Variants in PCDHGA8 observed in about 807,000 individuals in gnomAD.
PCDHGA8 encodes the protein protocadherin gamma subfamily A, 8, also known as protocadherin gamma-A8.
Under a neutral mutation model 59.2 loss-of-function variants are expected in PCDHGA8, and 45 were observed. The ratio of observed to expected loss-of-function variants is 0.76; its 90% CI spans 0.60 to 0.98. PCDHGA8 has a LOEUF of 0.98. PCDHGA8 is among the 50% of genes least tolerant of loss of function. PCDHGA8 has a pLI of 0.00. For synonymous variants in PCDHGA8, 531 were observed against 519.0 expected (o/e 1.02, Z -0.32); for missense variants, 1,257 against 1,196.2 (o/e 1.05, Z -0.75).
intron 1 of PCDHGA8, among the ~76,000 whole-genome samples, chr5:141,470,448 T>C (rs1384666661): frequency 6.6e-6 from 1 of 152,192 alleles, no homozygotes. Flanking sequence ...TTTAATAGCA[T>C]CTTGAATAGG....
chr5:141,504,728 G>A (rs978910481), intron 2 of PCDHGA8, among the ~76,000 whole-genome samples: 5 of 151,522 alleles, frequency 3.3e-5, no homozygotes, highest in African/African-American at 9.7e-5. Context: ...TACTCTGAGG[G>A]CTTAGGAAGC....
chr5:141,479,333 G>A (rs2154577502), intron 1 of PCDHGA8: 1 of 152,652 alleles, frequency 6.6e-6, no homozygotes, highest in East Asian at 1.9e-4. Context: ...TCAGTGGTGT[G>A]CACCTGTAGT....
chr5:141,503,608 A>G (rs1451651299), intron 2 of PCDHGA8, among the ~76,000 whole-genome samples: 3 of 151,994 alleles, frequency 2.0e-5, no homozygotes, highest in South Asian at 2.1e-4. Flanking sequence ...CAAAAAAAAA[A>G]AAAAAAGAAA....
In PCDHGA8 at chr5:141,414,961, G is replaced by A. The variant is rs1357376957; in HGVS notation, c.2424+19724G>A. Reference sequence around the variant, plus strand: ...GCCCGGCTACCTGGTGACCAAGGTGGTGGCGGTGGACAGAGACTCCGGCCA... The same window carrying A: ...GCCCGGCTACCTGGTGACCAAGGTGATGGCGGTGGACAGAGACTCCGGCCA... On this transcript the variant is annotated intron_variant, in intron 1 of 3. Transcript: ENST00000398604. 2.5e-6 allele frequency: 4 copies of A among 1,614,028 alleles called. No individual in the cohort carries two copies. In the Admixed American group the frequency reaches 6.7e-5, roughly 27 times the overall value.
chr5:141,435,454 T>C (rs1407615505), intron 1 of PCDHGA8, among the ~76,000 whole-genome samples: 1 of 152,220 alleles, frequency 6.6e-6, no homozygotes, highest in Non-Finnish European at 1.5e-5. Flanking sequence ...ACGATATCTG[T>C]ATGTGTTTCC....
intron 1 of PCDHGA8, chr5:141,413,736 G>C: frequency 6.2e-7 from 1 of 1,613,452 alleles, no homozygotes; most frequent in South Asian, 1.1e-5. Context: ...TAAGAGTTCA[G>C]AGCCGTGCCA....
chr5:141,456,703 G>A (rs528071544), intron 1 of PCDHGA8, among the ~76,000 whole-genome samples: 37 of 152,180 alleles, frequency 2.4e-4, no homozygotes, highest in Non-Finnish European at 4.9e-4. Context: ...GGTGGCTCGC[G>A]CCTGTAATCC....
At chr5:141,403,223 G>C (rs1414315950) in intron 1 of PCDHGA8, 2 of 1,613,968 alleles carry the variant, frequency 1.2e-6, no homozygotes, top group Non-Finnish European at 8.5e-7. Flanking sequence ...GGGTAGGATA[G>C]ACCGGGAGGA....
intron 1 of PCDHGA8, among the ~76,000 whole-genome samples, chr5:141,461,985 G>C (rs894777268): frequency 2.6e-5 from 4 of 152,170 alleles, no homozygotes; most frequent in Non-Finnish European, 5.9e-5. Flanking sequence ...CACCACGCCA[G>C]GCTAATTTTG....
intron 1 of PCDHGA8, among the ~76,000 whole-genome samples, chr5:141,449,422 C>A (rs1041930577): frequency 4.0e-5 from 6 of 151,724 alleles, no homozygotes; most frequent in Non-Finnish European, 7.4e-5. Flanking sequence ...GCCTGGCCAA[C>A]ATGATAAAAC....
intron 1 of PCDHGA8, among the ~76,000 whole-genome samples, chr5:141,457,698 G>C (rs1008393847): frequency 7.9e-5 from 12 of 152,234 alleles, no homozygotes; most frequent in Admixed American, 5.2e-4. Flanking sequence ...GATTGGCTTT[G>C]ATGAAACACT....
intron 1 of PCDHGA8, chr5:141,403,389 C>T (rs764725441): frequency 1.2e-6 from 2 of 1,614,050 alleles, no homozygotes; most frequent in South Asian, 1.1e-5. Context: ...AACGAAATCG[C>T]GGTTCCTGGA....
chr5:141,510,894 A>G, intron 3 of PCDHGA8, 53 bp from the exon 4 acceptor site: 2 of 1,612,850 alleles, frequency 1.2e-6, no homozygotes, highest in Non-Finnish European at 8.5e-7. Flanking sequence ...TAAGACAGTG[A>G]CTGTTGAGGA....
In PCDHGA8 at chr5:141,490,692, G is replaced by C. The variant is rs751109998; in HGVS notation, c.2425-4115G>C. 16 of 1,614,154 alleles carry C rather than the reference G, an allele frequency of 9.9e-6. 1 individual carries two copies. The Middle Eastern group carries it at 6.6e-4, about 67-fold the overall frequency. ...TGGCTGCCTCAGATCCAGACACTGG[G>C]GATAATGCCCGCCTCACCTACTCCA... On this transcript the variant is annotated intron_variant, in intron 1 of 3. Transcript: ENST00000398604. This position sits in a 1 kb window ranked among gnomAD's most constrained non-coding sequence, Gnocchi z 5.4.
At chr5:141,419,431 G>A in intron 1 of PCDHGA8, 2 of 1,613,306 alleles carry the variant, frequency 1.2e-6, no homozygotes. Context: ...ACCACGAGCA[G>A]CTGCGCACCT....
intron 1 of PCDHGA8, among the ~76,000 whole-genome samples, chr5:141,443,787 A>C (rs957552086): frequency 3.3e-5 from 5 of 152,222 alleles, no homozygotes; most frequent in African/African-American, 1.2e-4. Flanking sequence ...AAGACAAAAA[A>C]AATGAAAAGG....
In PCDHGA8 at chr5:141,432,854, G is replaced by A. The variant is rs769962088; in HGVS notation, c.2424+37617G>A. 1 of 1,614,192 alleles carries A rather than the reference G, an allele frequency of 6.2e-7. No homozygotes were observed. On this transcript the variant is annotated intron_variant, in intron 1 of 3. Transcript: ENST00000398604. The surrounding 1 kb of genome is among the most constrained non-coding windows in gnomAD (Gnocchi z 6.0). ...TCTGTACCTGGTGGTAGCGGTGGCC[G>A]CGGTCTCCTGCGTCTTCCTGGCCTT...
At chr5:141,445,254 AAT>A (rs1214840265) in intron 1 of PCDHGA8, among the ~76,000 whole-genome samples, 49 of 152,350 alleles carry the variant, frequency 3.2e-4, no homozygotes, top group Non-Finnish European at 5.9e-5. Context: ...ATTGTGTGAG[AAT>A]ATAAGTCGAA....
At position 141,493,512 on chromosome 5, in the gene PCDHGA8, C is replaced by A. The variant is rs1327850681; in HGVS notation, c.2425-1295C>A. The stretch of plus-strand genomic sequence containing the variant: ...CTGTGGCTCCTCATTTCTGAGCAGT[C>A]CCCGCAGCGCAAACTTGGCCAGTTA... On this transcript the variant is annotated intron_variant, in intron 1 of 3. Transcript: ENST00000398604. The surrounding 1 kb of genome is among the most constrained non-coding windows in gnomAD (Gnocchi z 4.3). Among the ~76,000 whole-genome samples the A allele has an allele frequency of 1.3e-5, 2 of 152,148 alleles. No individual in the cohort carries two copies. Among genetic ancestry groups the A allele is most frequent in the South Asian group, 4.1e-4 (2 of 4,824 alleles).
Sources: gnomAD v4.1 joint callset for allele counts (sites outside exome capture counted in the v4.1 genomes callset) on GRCh38, gnomAD v4.1.1 for gene constraint, Gnocchi (gnomAD v3.1) non-coding constraint, MANE v1.5 for transcripts, NCBI Gene and HGNC (gene_info 2026-07-23, HGNC 2026-07-21) for gene names.